The following SKAP1 variants were observed in gnomAD, a reference collection of about 807,000 sequenced individuals.
SKAP1 encodes the protein src kinase-associated phosphoprotein 1.
SKAP1 carries 44 observed loss-of-function variants against 58.5 expected under a neutral mutation model. The observed-to-expected ratio is 0.75, with a 90% CI of 0.59 to 0.97. The LOEUF (loss-of-function observed/expected upper bound fraction) is 0.97. Ranked by LOEUF, SKAP1 falls within the 50% of genes least tolerant of loss-of-function variation. SKAP1 has a pLI of 0.00. For missense variants in SKAP1, 390 were observed against 435.2 expected (o/e 0.90, Z 0.92); for synonymous variants, 127 against 149.7 (o/e 0.85, Z 1.11).
rs572361603 is a variant in SKAP1 at position 48,416,955 on chromosome 17, A to G, written c.46+13120T>C. Among the ~76,000 whole-genome samples, 94 of 152,224 alleles carry G rather than the reference A, an allele frequency of 6.2e-4. 1 individual carries two copies. Among genetic ancestry groups the G allele is most frequent in the Non-Finnish European group, 8.2e-4 (56 of 68,040 alleles). On this transcript the variant is annotated intron_variant, in intron 1 of 12. Transcript: ENST00000336915. ...GGAAACCTTCACTATTTTCACATCA[A>G]TTACATAAAAGTACCATAGTGGGGA... is the stretch of plus-strand genomic sequence containing the variant.
intron 1 of SKAP1, among the ~76,000 whole-genome samples, chr17:48,406,761 T>C (rs1314084629): frequency 6.6e-6 from 1 of 152,096 alleles, no homozygotes; most frequent in Non-Finnish European, 1.5e-5. Flanking sequence ...AGACGAGGTT[T>C]CCCCATGTTA....
At chr17:48,296,248 C>T (rs1230473631) in intron 4 of SKAP1, among the ~76,000 whole-genome samples, 2 of 152,048 alleles carry the variant, frequency 1.3e-5, no homozygotes, top group African/African-American at 4.8e-5. Context: ...AGTAATTTAG[C>T]ATGCAATGCA....
At chr17:48,245,481 C>T (rs1362622554) in intron 4 of SKAP1, among the ~76,000 whole-genome samples, 3 of 152,170 alleles carry the variant, frequency 2.0e-5, no homozygotes, top group Non-Finnish European at 4.4e-5. Context: ...GCTTATTTCA[C>T]TCAATCTTTC....
intron 6 of SKAP1, among the ~76,000 whole-genome samples, chr17:48,187,410 G>T (rs143228046): frequency 2.0e-5 from 3 of 152,346 alleles, no homozygotes; most frequent in African/African-American, 7.2e-5. Context: ...CAGTCATGAA[G>T]ATAAAGCAGG....
intron 1 of SKAP1, among the ~76,000 whole-genome samples, chr17:48,408,260 T>G (rs1288826163): frequency 6.6e-6 from 1 of 152,096 alleles, no homozygotes; most frequent in Non-Finnish European, 1.5e-5. Context: ...AAATATAAAT[T>G]TCTAAAACTA....
intron 4 of SKAP1, among the ~76,000 whole-genome samples, chr17:48,256,096 C>T (rs989978794): frequency 6.6e-6 from 1 of 152,016 alleles, no homozygotes; most frequent in Non-Finnish European, 1.5e-5. Context: ...TGGTTTCCTC[C>T]TTCCTTGTCA....
At chr17:48,292,213 G>T (rs1226607301) in intron 4 of SKAP1, among the ~76,000 whole-genome samples, 1 of 151,370 alleles carries the variant, frequency 6.6e-6, no homozygotes, top group Non-Finnish European at 1.5e-5. Flanking sequence ...TTTAAAATCA[G>T]CCCTCTGGAA....
intron 4 of SKAP1, among the ~76,000 whole-genome samples, chr17:48,330,206 G>A (rs2066487715): frequency 1.3e-5 from 2 of 151,730 alleles, no homozygotes; most frequent in African/African-American, 4.8e-5. Context: ...TTTTCTCTAT[G>A]GTATTATCGA....
At chr17:48,253,764 C>T (rs1010959930) in intron 4 of SKAP1, among the ~76,000 whole-genome samples, 2 of 151,902 alleles carry the variant, frequency 1.3e-5, no homozygotes, top group Non-Finnish European at 2.9e-5. Context: ...CTGGCTGCCA[C>T]CAAGGGGAGG....
At chr17:48,193,733 G>C in intron 4 of SKAP1, 2 of 984,834 alleles carry the variant, frequency 2.0e-6, no homozygotes, top group Non-Finnish European at 2.4e-6. Context: ...CCATGCCATG[G>C]GGTGATGAGG....
At chr17:48,273,627 A>C (rs1377583937) in intron 4 of SKAP1, among the ~76,000 whole-genome samples, 6 of 152,100 alleles carry the variant, frequency 3.9e-5, no homozygotes, top group Non-Finnish European at 7.4e-5. Flanking sequence ...CACGTTGACC[A>C]GGCTGTCTCG....
chr17:48,144,067 T>A (rs1470687287), intron 11 of SKAP1, among the ~76,000 whole-genome samples: 1 of 152,130 alleles, frequency 6.6e-6, no homozygotes, highest in African/African-American at 2.4e-5. Flanking sequence ...GCCACAGTGA[T>A]GAGAACTGAA....
intron 4 of SKAP1, among the ~76,000 whole-genome samples, chr17:48,203,173 G>C (rs1350955981): frequency 6.6e-6 from 1 of 152,208 alleles, no homozygotes; most frequent in Non-Finnish European, 1.5e-5. Context: ...CCAATAAACA[G>C]TTATAAAACA....
At chr17:48,237,236 TA>T (rs2065191610) in intron 4 of SKAP1, among the ~76,000 whole-genome samples, 1 of 152,208 alleles carries the variant, frequency 6.6e-6, no homozygotes, top group Non-Finnish European at 1.5e-5. Flanking sequence ...ATGAGGAAAA[TA>T]AGGACTACAT....
intron 11 of SKAP1, among the ~76,000 whole-genome samples, chr17:48,157,105 G>GAAAC: frequency 1.3e-5 from 2 of 152,254 alleles, no homozygotes; most frequent in East Asian, 3.9e-4. Flanking sequence ...ATTTTTACAG[G>GAAAC]TGAGGAAACT....
At chr17:48,155,560 T>C (rs1055636914) in intron 11 of SKAP1, among the ~76,000 whole-genome samples, 3 of 151,908 alleles carry the variant, frequency 2.0e-5, no homozygotes, top group Admixed American at 2.0e-4. Context: ...CTCCCACTTA[T>C]AACAAGTGAC....
At chr17:48,324,302 G>A (rs1317048883) in intron 4 of SKAP1, among the ~76,000 whole-genome samples, 1 of 151,956 alleles carries the variant, frequency 6.6e-6, no homozygotes, top group African/African-American at 2.4e-5. Context: ...TGGCTGCACT[G>A]CATTCCATCA....
chr17:48,154,476 C>T (rs549173955), intron 11 of SKAP1, among the ~76,000 whole-genome samples: 5 of 152,136 alleles, frequency 3.3e-5, no homozygotes, highest in African/African-American at 7.2e-5. Flanking sequence ...AAATCTTATG[C>T]GTACCCAACT....
intron 12 of SKAP1, among the ~76,000 whole-genome samples, chr17:48,134,269 G>A (rs1477405443): frequency 2.0e-5 from 3 of 152,192 alleles, no homozygotes; most frequent in Middle Eastern, 3.4e-3. Context: ...ATAGCTGTAG[G>A]ATAATTTCTA....
Sources: allele counts gnomAD v4.1 joint callset (sites outside exome capture counted in the v4.1 genomes callset), GRCh38; gene constraint gnomAD v4.1.1; transcripts MANE v1.5; gene names NCBI Gene and HGNC (gene_info 2026-07-23, HGNC 2026-07-21).